MTRF1: variants seen among roughly 807,000 people sequenced by gnomAD.
MTRF1 encodes peptide chain release factor 1, mitochondrial.
A neutral mutation model predicts 62.9 loss-of-function variants in MTRF1; 51 were observed. The ratio of observed to expected loss-of-function variants is 0.81; its 90% confidence interval spans 0.65 to 1.02. MTRF1 has a LOEUF of 1.02. MTRF1 is among the 50% of genes least tolerant of loss of function. The pLI is 0.00. For synonymous variants in MTRF1, 158 were observed against 181.9 expected (o/e 0.87, Z 1.06); for missense variants, 446 against 530.0 (o/e 0.84, Z 1.56).
the MTRF1 span, among the ~76,000 whole-genome samples, chr13:41,280,772 A>C: frequency 1.3e-5 from 2 of 151,990 alleles, no homozygotes; most frequent in Admixed American, 1.3e-4. Flanking sequence ...ACAGAGCTTG[A>C]CTCTTTTTAT....
the MTRF1 span, among the ~76,000 whole-genome samples, chr13:41,271,103 T>C: frequency 4.6e-5 from 7 of 150,850 alleles, no homozygotes; most frequent in Non-Finnish European, 8.8e-5. Context: ...CCCATATAGC[T>C]TTTACTTCAA....
At chr13:41,301,747 CAA>C in the MTRF1 span, among the ~76,000 whole-genome samples, 1 of 131,800 alleles carries the variant, frequency 7.6e-6, no homozygotes. Context: ...GACTCCGTCT[CAA>C]AAAAAAAAAA....
At chr13:41,311,698 C>G in the MTRF1 span, 8 of 946,764 alleles carry the variant, frequency 8.4e-6, no homozygotes, top group East Asian at 2.3e-4. Flanking sequence ...GCCCACCGCT[C>G]TTTGTTTACC....
At chr13:41,241,330 C>T (rs886466668) in intron 5 of MTRF1, among the ~76,000 whole-genome samples, 1 of 152,178 alleles carries the variant, frequency 6.6e-6, no homozygotes, top group Non-Finnish European at 1.5e-5. Flanking sequence ...AAGCGTGAGC[C>T]ACCATGCCCG....
upstream of MTRF1, among the ~76,000 whole-genome samples, chr13:41,265,156 T>G (rs1780895216): frequency 6.6e-6 from 1 of 152,088 alleles, no homozygotes; most frequent in Non-Finnish European, 1.5e-5. Flanking sequence ...GGCGTGGTGG[T>G]TCACGCCTGT....
chr13:41,267,808 C>G (rs1184558412), upstream of MTRF1, among the ~76,000 whole-genome samples: 1 of 151,346 alleles, frequency 6.6e-6, no homozygotes, highest in Non-Finnish European at 1.5e-5. Flanking sequence ...CAAGGTTGTA[C>G]TGAGCTGTGA....
intron 7 of MTRF1, among the ~76,000 whole-genome samples, chr13:41,232,044 G>A (rs1215689633): frequency 6.6e-6 from 1 of 152,052 alleles, no homozygotes; most frequent in Non-Finnish European, 1.5e-5. Context: ...CTGTACTCCA[G>A]CCTGGGCAAC....
At chr13:41,282,239 T>C in the MTRF1 span, among the ~76,000 whole-genome samples, 2 of 151,802 alleles carry the variant, frequency 1.3e-5, no homozygotes, top group Admixed American at 6.6e-5. Flanking sequence ...TCACAAAACA[T>C]TGACAAGAAA....
intron 1 of MTRF1, 66 bp downstream of exon 1, chr13:41,263,419 T>C: frequency 5.5e-6 from 3 of 546,688 alleles, no homozygotes; most frequent in Non-Finnish European, 9.3e-6. Flanking sequence ...ACTCAGTATA[T>C]GGAGTGATTC....
the MTRF1 span, among the ~76,000 whole-genome samples, chr13:41,279,871 T>G: frequency 1.3e-5 from 2 of 152,182 alleles, no homozygotes; most frequent in Admixed American, 6.5e-5. Flanking sequence ...TTTTACAATC[T>G]GCTCTCTCTC....
chr13:41,219,682 A>C (rs895258962), intron 9 of MTRF1, among the ~76,000 whole-genome samples: 3 of 152,180 alleles, frequency 2.0e-5, no homozygotes, highest in Non-Finnish European at 4.4e-5. Context: ...AATAGAAATG[A>C]GCTGGGCATT....
chr13:41,273,411 G>A, the MTRF1 span, among the ~76,000 whole-genome samples: 1 of 152,148 alleles, frequency 6.6e-6, no homozygotes, highest in African/African-American at 2.4e-5. Flanking sequence ...TCTGAGACAG[G>A]TCTCGGTTAA....
At chr13:41,288,025 G>T in the MTRF1 span, 1 of 367,638 alleles carries the variant, frequency 2.7e-6, no homozygotes, top group Non-Finnish European at 5.5e-6. Context: ...TGCATTTCAG[G>T]ATGCCACTCT....
intron 8 of MTRF1, among the ~76,000 whole-genome samples, chr13:41,225,915 A>C (rs1239435147): frequency 1.3e-5 from 2 of 152,068 alleles, no homozygotes; most frequent in Non-Finnish European, 2.9e-5. Context: ...TTGAAAAAGT[A>C]ACACTATATC....
At chr13:41,270,897 CCG>C in the MTRF1 span, among the ~76,000 whole-genome samples, 6 of 151,864 alleles carry the variant, frequency 4.0e-5, no homozygotes, top group Admixed American at 2.0e-4. Context: ...GCCACCATGC[CCG>C]GCTAATTTTT....
intron 5 of MTRF1, among the ~76,000 whole-genome samples, chr13:41,243,080 G>C (rs189182079): frequency 6.6e-6 from 1 of 152,026 alleles, no homozygotes; most frequent in Admixed American, 6.6e-5. Context: ...TTAGCTGGGC[G>C]TGGTGGCGCG....
In MTRF1 at chr13:41,240,288, C is replaced by T. The variant is rs201627475; in HGVS notation, c.843G>A (p.Ser281=). The T allele has an allele frequency of 1.8e-5, 29 of 1,610,424 alleles. No homozygotes were observed. The East Asian group carries it at 2.9e-4, about 16-fold the overall frequency. Residue 281 remains serine, a synonymous_variant, in exon 6 of 10, where the codon TCG becomes TCA. Coordinates refer to ENST00000379480, the MANE Select transcript of MTRF1 (RefSeq NM_004294.4). ...RMQRIHTGTM[S]VIVLPQPDEV... ...CATCTGGCTGAGGAAGGACAATAAC[C>T]GACATCGTTCCTGTGTGAATGCGCT...
intron 5 of MTRF1, among the ~76,000 whole-genome samples, chr13:41,246,142 A>G (rs2038223245): frequency 6.6e-6 from 1 of 152,166 alleles, no homozygotes; most frequent in African/African-American, 2.4e-5. Flanking sequence ...ATGAGTTATG[A>G]GAGGGTTCTC....
the MTRF1 span, chr13:41,311,406 G>T: frequency 6.5e-6 from 6 of 918,464 alleles, no homozygotes; most frequent in African/African-American, 1.7e-5. Flanking sequence ...GTAGACCAAT[G>T]AACTAATCCA....
Sources: allele counts gnomAD v4.1 joint callset (sites outside exome capture counted in the v4.1 genomes callset), GRCh38; gene constraint gnomAD v4.1.1; transcripts MANE v1.5; gene names NCBI Gene and HGNC (gene_info 2026-07-23, HGNC 2026-07-21).